Variants in SIK3 observed in about 807,000 individuals in gnomAD.
SIK3 encodes serine/threonine-protein kinase SIK3.
A neutral mutation model predicts 144.2 loss-of-function variants in SIK3; 28 were observed. The ratio of observed to expected loss-of-function variants is 0.19; its 90% CI spans 0.14 to 0.27. The LOEUF (loss-of-function observed/expected upper bound fraction) is 0.27, where lower values mean the gene tolerates loss of function less well. SIK3 is among the 10% of genes least tolerant of loss of function. SIK3 has a pLI of 1.00. For missense variants in SIK3, 1,319 were observed against 1,776.0 expected, an observed-to-expected ratio of 0.74 and a Z score of 4.62; for synonymous variants, 686 against 676.3, an observed-to-expected ratio of 1.01 and a Z score of -0.22.
intron 1 of SIK3, among the ~76,000 whole-genome samples, chr11:117,052,845 A>G (rs1316217465): frequency 6.6e-6 from 1 of 152,250 alleles, no homozygotes; most frequent in Non-Finnish European, 1.5e-5. Context: ...CTAATGCCGT[A>G]GTTTCAGAAA....
chr11:117,036,720 T>C (rs1178334936), intron 1 of SIK3, among the ~76,000 whole-genome samples: 1 of 152,192 alleles, frequency 6.6e-6, no homozygotes, highest in African/African-American at 2.4e-5. Context: ...GAAAAATATA[T>C]TAAATGACTC....
At chr11:117,087,817 C>A (rs12277910) in intron 1 of SIK3, among the ~76,000 whole-genome samples, 11,418 of 152,194 alleles carry the variant, frequency 0.075, 535 homozygotes, top group East Asian at 0.17. Context: ...AGCAAAAAAT[C>A]AGAAGTACAT....
intron 6 of SIK3, among the ~76,000 whole-genome samples, chr11:116,879,220 C>T (rs1016386396): frequency 2.0e-4 from 30 of 152,186 alleles, no homozygotes; most frequent in Middle Eastern, 3.4e-3. Context: ...TTTAAATTTT[C>T]TGCTTCTATT....
intron 1 of SIK3, among the ~76,000 whole-genome samples, chr11:116,998,598 AGAGTCAGGGACTTCAACCATGAT>A (rs1464898639): frequency 6.6e-6 from 1 of 152,180 alleles, no homozygotes; most frequent in Non-Finnish European, 1.5e-5. Context: ...CACTATCATG[AGAGTCAGGGACTTCAACCATGAT>A]CTCATAAAGA....
intron 3 of SIK3, among the ~76,000 whole-genome samples, chr11:116,933,997 C>T (rs1333965150): frequency 6.6e-6 from 1 of 152,188 alleles, no homozygotes; most frequent in Non-Finnish European, 1.5e-5. Context: ...CCCCAAATAG[C>T]TGCATGATCT....
intron 1 of SIK3, among the ~76,000 whole-genome samples, chr11:116,976,495 A>G (rs937363613): frequency 1.3e-5 from 2 of 152,274 alleles, no homozygotes; most frequent in African/African-American, 4.8e-5. Flanking sequence ...TTCTTTCTCC[A>G]ATGAATTATC....
chr11:116,864,020 A>C, intron 15 of SIK3: 1 of 463,638 alleles, frequency 2.2e-6, no homozygotes, highest in South Asian at 3.4e-5. Flanking sequence ...TACATCTTCC[A>C]TTTCTACTTA....
chr11:116,933,001 G>T (rs540816702), intron 3 of SIK3, among the ~76,000 whole-genome samples: 1 of 152,060 alleles, frequency 6.6e-6, no homozygotes, highest in African/African-American at 2.4e-5. Flanking sequence ...AAACTCATGG[G>T]CTCAAGTGAT....
intron 22 of SIK3, among the ~76,000 whole-genome samples, 197 bp from the exon 23 acceptor site, chr11:116,847,805 G>C (rs1145206): frequency 0.29 from 44,490 of 152,062 alleles, 9,013 homozygotes; most frequent in African/African-American, 0.58. Flanking sequence ...TCTGCCCAGT[G>C]GGGGGGCTGA....
At chr11:116,936,689 T>A (rs923904692) in intron 3 of SIK3, among the ~76,000 whole-genome samples, 1 of 152,262 alleles carries the variant, frequency 6.6e-6, no homozygotes, top group African/African-American at 2.4e-5. Flanking sequence ...AGGTTTCCCT[T>A]TCTGCCCATC....
chr11:116,976,642 G>T (rs1949956275), intron 1 of SIK3, among the ~76,000 whole-genome samples: 1 of 152,194 alleles, frequency 6.6e-6, no homozygotes. Flanking sequence ...GATATTGATA[G>T]TTATCTTCCT....
Position 116,927,264 on chromosome 11 carries a change from C to G in SIK3, c.571G>C (p.Ala191Pro). 1 of 1,614,004 alleles carries G rather than the reference C, an allele frequency of 6.2e-7. No homozygotes were observed. The highest frequency in any genetic ancestry group is 8.5e-7 in the Non-Finnish European group (1 of 1,179,938). The change falls in exon 4 of 25, where the codon GCT becomes CCT. Residue 191 changes from alanine (A) to proline (P), a missense_variant. Transcript: ENST00000445177. ...CRNIVHRDLK[A>P]ENLLLDANLN... ...TTGGCATCCAGAAGTAAATTTTCAGCTTTTAAATCACGATGAACAATGTTC... is the reference window on the plus strand; with the variant it reads ...TTGGCATCCAGAAGTAAATTTTCAGGTTTTAAATCACGATGAACAATGTTC...
chr11:116,957,938 G>A (rs1949203887), intron 1 of SIK3, among the ~76,000 whole-genome samples: 1 of 152,114 alleles, frequency 6.6e-6, no homozygotes, highest in South Asian at 2.1e-4. Flanking sequence ...ATACTCATCA[G>A]CAAATACATT....
intron 1 of SIK3, among the ~76,000 whole-genome samples, chr11:117,024,995 A>G (rs970899519): frequency 2.6e-5 from 4 of 152,144 alleles, no homozygotes; most frequent in Non-Finnish European, 4.4e-5. Flanking sequence ...CAAAACCTCA[A>G]AAGTTTATAT....
rs1447457189 is a variant in SIK3 at position 116,861,883 on chromosome 11, G to A, written c.2273C>T (p.Ala758Val). ...PPQPSPPLQAACENQPALLTH... is the reference protein window; with the variant it reads ...PPQPSPPLQAVCENQPALLTH... Reference sequence around the variant, plus strand: ...AAGGAGGGCTGGCTGATTTTCACATGCAGCCTGAAGAGGTGGAGATGGCTG... The same window carrying A: ...AAGGAGGGCTGGCTGATTTTCACATACAGCCTGAAGAGGTGGAGATGGCTG... The change falls in exon 18 of 25, where the codon GCA (alanine) becomes GTA (valine). Residue 758 changes from alanine (A) to valine (V), a missense_variant. Around this residue, in one of 8 missense-constraint regions of SIK3, gnomAD observed 77 missense variants for 141.9 expected, o/e 0.54. Transcript: ENST00000445177. The A allele has an allele frequency of 6.2e-7, 1 of 1,612,202 alleles. No homozygotes were observed.
At chr11:116,967,015 G>GA (rs1233594261) in intron 1 of SIK3, among the ~76,000 whole-genome samples, 1 of 127,860 alleles carries the variant, frequency 7.8e-6, no homozygotes, top group Non-Finnish European at 1.6e-5. Flanking sequence ...AAAAAAAAAA[G>GA]AAAAAGAAAA....
intron 13 of SIK3, among the ~76,000 whole-genome samples, chr11:116,870,625 CATTT>C (rs776101206): frequency 6.6e-6 from 1 of 152,212 alleles, no homozygotes. Context: ...TTCATTCATT[CATTT>C]ATTAATCTAA....
chr11:116,915,156 G>GTGTGTGTGTGTA (rs1555093387), intron 4 of SIK3, among the ~76,000 whole-genome samples: 35 of 148,200 alleles, frequency 2.4e-4, no homozygotes, highest in African/African-American at 4.2e-4. Flanking sequence ...GTGTGTGTGT[G>GTGTGTGTGTGTA]TGTGTATGTG....
At chr11:117,014,223 C>T (rs2135703555) in intron 1 of SIK3, among the ~76,000 whole-genome samples, 1 of 151,700 alleles carries the variant, frequency 6.6e-6, no homozygotes, top group South Asian at 2.1e-4. Context: ...TATTTTAGGG[C>T]AGGAACCAAG....
Sources: gnomAD v4.1 joint callset for allele counts (sites outside exome capture counted in the v4.1 genomes callset) on GRCh38, gnomAD v4.1.1 for gene constraint, gnomAD v4.1.1 regional missense constraint, MANE v1.5 for transcripts, NCBI Gene and HGNC (gene_info 2026-07-23, HGNC 2026-07-21) for gene names.